The following TF variants were observed in gnomAD, a reference collection of about 807,000 sequenced individuals.
TF encodes the protein transferrin.
Under a neutral mutation model 82.4 loss-of-function variants are expected in TF, and 55 were observed. The observed-to-expected ratio is 0.67, with a 90% CI of 0.54 to 0.84. The LOEUF is 0.84. TF is among the 40% of genes least tolerant of loss of function. TF has a pLI of 0.00. For synonymous variants in TF, 332 were observed against 332.6 expected (o/e 1.00, Z 0.02); for missense variants, 737 against 868.4 (o/e 0.85, Z 1.90).
chr3:133,708,973 C>T, the TF span, among the ~76,000 whole-genome samples: 4,899 of 152,010 alleles, frequency 0.032, 273 homozygotes, highest in African/African-American at 0.11. Context: ...ATGACTCCCA[C>T]CCATAGTGAA....
chr3:133,715,197 T>C, the TF span, among the ~76,000 whole-genome samples: 1 of 152,180 alleles, frequency 6.6e-6, no homozygotes, highest in African/African-American at 2.4e-5. Flanking sequence ...ACCCCATTTC[T>C]CCTAGAAGAC....
chr3:133,732,665 A>G, the TF span, among the ~76,000 whole-genome samples: 2 of 152,238 alleles, frequency 1.3e-5, no homozygotes, highest in Non-Finnish European at 2.9e-5. Context: ...AGTCAGCAAG[A>G]CCACCAGCAC....
chr3:133,757,368 C>T (rs901357005), intron 7 of TF, among the ~76,000 whole-genome samples: 1 of 152,200 alleles, frequency 6.6e-6, no homozygotes, highest in Non-Finnish European at 1.5e-5. Flanking sequence ...CCCCTCAGCC[C>T]GGCTGTGAGG....
At chr3:133,734,839 A>G in the TF span, among the ~76,000 whole-genome samples, 3 of 151,808 alleles carry the variant, frequency 2.0e-5, no homozygotes, top group African/African-American at 7.3e-5. Flanking sequence ...ACAAAATCAC[A>G]CCATGAGAAC....
chr3:133,702,536 C>A, the TF span, among the ~76,000 whole-genome samples: 13 of 151,728 alleles, frequency 8.6e-5, no homozygotes, highest in Non-Finnish European at 1.8e-4. Flanking sequence ...CAGAGCAAGA[C>A]CCTGTCTCTA....
the TF span, among the ~76,000 whole-genome samples, chr3:133,689,615 T>G: frequency 6.6e-6 from 1 of 152,176 alleles, no homozygotes; most frequent in Non-Finnish European, 1.5e-5. Flanking sequence ...GGGGAGTGGC[T>G]GAGTCCTACC....
the TF span, among the ~76,000 whole-genome samples, chr3:133,717,807 A>T: frequency 6.6e-6 from 1 of 152,220 alleles, no homozygotes; most frequent in Non-Finnish European, 1.5e-5. Flanking sequence ...GTTTTCCTGG[A>T]TACAAAAATC....
the TF span, chr3:133,699,634 C>T: frequency 5.8e-6 from 3 of 518,952 alleles, no homozygotes; most frequent in Non-Finnish European, 1.2e-5. Context: ...GTATCCCCAC[C>T]TGCCATCTTC....
At chr3:133,736,888 C>T in the TF span, among the ~76,000 whole-genome samples, 93 of 152,240 alleles carry the variant, frequency 6.1e-4, no homozygotes, top group African/African-American at 2.1e-3. Flanking sequence ...TAACACCCCA[C>T]TGTCAATATA....
intron 1 of TF, 82 bp downstream of exon 1, chr3:133,746,565 A>G: frequency 2.7e-6 from 4 of 1,455,894 alleles, no homozygotes; most frequent in East Asian, 2.5e-5. Flanking sequence ...CGCAGCCTGC[A>G]TGCACTCCGC....
At chr3:133,738,340 A>T in the TF span, among the ~76,000 whole-genome samples, 2 of 152,196 alleles carry the variant, frequency 1.3e-5, no homozygotes, top group Non-Finnish European at 2.9e-5. Flanking sequence ...TTTATGACAA[A>T]CCTACAGCCA....
chr3:133,745,981 C>G (rs1479833620), upstream of TF: 1 of 231,682 alleles, frequency 4.3e-6, no homozygotes, highest in African/African-American at 2.3e-5. Flanking sequence ...TTCTGCAGTT[C>G]TAGTGTGGGG....
At chr3:133,725,877 A>G in the TF span, among the ~76,000 whole-genome samples, 39 of 152,138 alleles carry the variant, frequency 2.6e-4, no homozygotes, top group Non-Finnish European at 4.7e-4. Context: ...GGGTTGTTGA[A>G]TTTTGTCAAA....
chr3:133,775,188 T>C (rs113962273), intron 14 of TF: 2 of 573,390 alleles, frequency 3.5e-6, no homozygotes, highest in African/African-American at 3.7e-5. Flanking sequence ...TAGTTCATTC[T>C]CACCTGGCTG....
At chr3:133,719,577 G>A in the TF span, among the ~76,000 whole-genome samples, 7 of 152,036 alleles carry the variant, frequency 4.6e-5, no homozygotes, top group Non-Finnish European at 7.4e-5. Context: ...TTATGCTCAG[G>A]ATTGTTTTGG....
chr3:133,723,637 TTTATTATTA>T, the TF span, among the ~76,000 whole-genome samples: 32 of 143,584 alleles, frequency 2.2e-4, no homozygotes, highest in South Asian at 4.3e-4. Context: ...GTTTGGTTCT[TTTATTATTA>T]TTATTATTAT....
chr3:133,757,852 C>T lies in TF; in HGVS notation c.954C>T (p.Ala318=), dbSNP rs772581468. 2.1e-5 allele frequency: 34 copies of T among 1,614,186 alleles called. No homozygotes were observed. The highest frequency in any genetic ancestry group is 2.8e-5 in the Non-Finnish European group (33 of 1,180,020). ...HGKDLLFKDS[A]HGFLKVPPRM... is the part of the protein sequence containing the mutation. Reference sequence around the variant, plus strand: ...AGGACCTGCTGTTTAAGGACTCTGCCCACGGGTTTTTAAAAGTCCCCCCCA... The same window carrying T: ...AGGACCTGCTGTTTAAGGACTCTGCTCACGGGTTTTTAAAAGTCCCCCCCA... The change falls in exon 8 of 17, where the codon GCC becomes GCT. Residue 318 remains alanine, a synonymous_variant. Coordinates refer to ENST00000402696, the MANE Select transcript of TF (RefSeq NM_001063.4).
the TF span, among the ~76,000 whole-genome samples, chr3:133,734,868 G>A: frequency 4.0e-5 from 6 of 151,228 alleles, no homozygotes; most frequent in Non-Finnish European, 5.9e-5. Flanking sequence ...GCCAAATCCA[G>A]AATGTTGGAA....
chr3:133,748,798 G>C, intron 2 of TF: 1 of 597,440 alleles, frequency 1.7e-6, no homozygotes, highest in Non-Finnish European at 3.0e-6. Context: ...TTGCTTTCCA[G>C]ACACAGTAGA....
Sources: allele counts gnomAD v4.1 joint callset (sites outside exome capture counted in the v4.1 genomes callset), GRCh38; gene constraint gnomAD v4.1.1; transcripts MANE v1.5; gene names NCBI Gene and HGNC (gene_info 2026-07-23, HGNC 2026-07-21).